CARNMT1: variants seen among roughly 807,000 people sequenced by gnomAD.
The protein encoded by CARNMT1 is carnosine N-methyltransferase 1.
In CARNMT1, 28 loss-of-function variants were observed where a neutral mutation model predicts 49.6. The ratio of observed to expected loss-of-function variants is 0.56; its 90% CI spans 0.42 to 0.77. CARNMT1 has a LOEUF of 0.77. Among genes scored for constraint, CARNMT1 ranks in the 30% least tolerant of loss-of-function variants. The probability of loss-of-function intolerance (pLI) is 0.00; values close to 1 mark genes in which losing one functional copy is unlikely to be tolerated. For synonymous variants in CARNMT1, 178 were observed against 175.0 expected, an observed-to-expected ratio of 1.02 and a Z score of -0.13; for missense variants, 421 against 512.6, an observed-to-expected ratio of 0.82 and a Z score of 1.73.
intron 6 of CARNMT1, chr9:74,996,243 A>G (rs1242985845): frequency 2.2e-6 from 1 of 462,836 alleles, no homozygotes; most frequent in East Asian, 3.7e-5. Context: ...GACTGACCTA[A>G]GTGTGAATAT....
At chr9:74,988,369 GAATA>G (rs1781361308) in intron 6 of CARNMT1, among the ~76,000 whole-genome samples, 1 of 152,160 alleles carries the variant, frequency 6.6e-6, no homozygotes, top group African/African-American at 2.4e-5. Flanking sequence ...GTAAGCACTT[GAATA>G]TTTATCTCCT....
At chr9:74,985,437 G>A (rs1832805814) in intron 6 of CARNMT1, among the ~76,000 whole-genome samples, 1 of 152,208 alleles carries the variant, frequency 6.6e-6, no homozygotes, top group South Asian at 2.1e-4. Context: ...GTGGACAGGA[G>A]TTATATGGAA....
At chr9:75,012,138 T>G (rs1833707340) in intron 3 of CARNMT1, among the ~76,000 whole-genome samples, 1 of 152,194 alleles carries the variant, frequency 6.6e-6, no homozygotes, top group Non-Finnish European at 1.5e-5. Flanking sequence ...TGCTAGCAAA[T>G]GTGAGCTTCA....
chr9:75,015,798 AT>A (rs1360191840), intron 3 of CARNMT1: 2 of 150,258 alleles, frequency 1.3e-5, no homozygotes, highest in East Asian at 1.9e-4. Context: ...AAATAAATAA[AT>A]AAATAAATAA....
At chr9:75,007,350 G>GA (rs1564099879) in intron 3 of CARNMT1, among the ~76,000 whole-genome samples, 1 of 152,046 alleles carries the variant, frequency 6.6e-6, no homozygotes, top group Non-Finnish European at 1.5e-5. Flanking sequence ...ATTAATGGAA[G>GA]AAAAAACATA....
In CARNMT1 at chr9:75,028,058, C is replaced by A; in HGVS notation, c.184G>T (p.Glu62Ter). Residue 62 changes from glutamate to a stop codon, truncating the protein, a stop_gained, in exon 1 of 8, where the codon GAG (glutamate) becomes TAG (stop). Coordinates refer to ENST00000376834, the MANE Select transcript of CARNMT1 (RefSeq NM_152420.3). LOFTEE classifies it high-confidence loss of function. ...ATGATCTTCCAGAAGTGCTCACGCT[C>A]AAGCCTCTCCTCCTCCTCCTCGGTG... ...RSTEEEEERL[E>*]REHFWKIINA... 1 of 1,577,724 alleles carries A rather than the reference C, an allele frequency of 6.3e-7. No individual in the cohort carries two copies. The highest frequency in any genetic ancestry group is 8.6e-7 in the Non-Finnish European group (1 of 1,164,552).
At chr9:75,024,896 C>T (rs150284465) in intron 1 of CARNMT1, among the ~76,000 whole-genome samples, 29 of 152,176 alleles carry the variant, frequency 1.9e-4, no homozygotes, top group Admixed American at 1.3e-3. Flanking sequence ...GAAAGCCGTA[C>T]CAATAACATA....
In CARNMT1 at chr9:74,982,941, G is replaced by T. The variant is rs1310843904; in HGVS notation, c.*826C>A. Reference sequence around the variant, plus strand: ...AGTGTTCAGTTTATTGTGGCCAAAAGACTTTGATATTTCTGTTACTTGAAT... The same window carrying T: ...AGTGTTCAGTTTATTGTGGCCAAAATACTTTGATATTTCTGTTACTTGAAT... On this transcript the variant is annotated 3_prime_UTR_variant, in exon 8 of 8. Transcript: ENST00000376834. 2 of 151,980 alleles carry T rather than the reference G, an allele frequency of 1.3e-5. No individual in the cohort carries two copies. Among genetic ancestry groups the T allele is most frequent in the East Asian group, 3.9e-4 (2 of 5,186 alleles). 9.4% of individuals were successfully genotyped at this position (151,980 alleles called of 1,614,324 possible).
intron 6 of CARNMT1, chr9:74,991,818 T>C (rs1014200076): frequency 6.6e-6 from 1 of 152,190 alleles, no homozygotes; most frequent in African/African-American, 2.4e-5. Context: ...CTTACCTATC[T>C]ACCCCAACTT....
chr9:74,995,571 C>T (rs1272733410), intron 6 of CARNMT1, among the ~76,000 whole-genome samples: 2 of 152,126 alleles, frequency 1.3e-5, no homozygotes, highest in South Asian at 2.1e-4. Context: ...AGACTTACTA[C>T]TACCTCCAGG....
Position 74,983,716 on chromosome 9 carries a change from T to G in CARNMT1, c.*51A>C, listed in dbSNP as rs1482837808. ...GATAGTTGATTTTGAGTCGTTGATT[T>G]CAGCATTTGTTCTTACTAAACTTTT... On this transcript the variant is annotated 3_prime_UTR_variant, in exon 8 of 8. Coordinates refer to ENST00000376834, the MANE Select transcript of CARNMT1 (RefSeq NM_152420.3). 9.2e-7 allele frequency: 1 copy of G among 1,088,368 alleles called. No individual in the cohort carries two copies. The highest frequency in any genetic ancestry group is 1.4e-6 in the Non-Finnish European group (1 of 733,966). The allele number at this position is 1,088,368 out of a possible 1,614,324, so 67.4% of individuals were successfully genotyped here.
At chr9:75,016,696 G>A (rs1346590367) in intron 2 of CARNMT1, 3 of 380,566 alleles carry the variant, frequency 7.9e-6, no homozygotes, top group Non-Finnish European at 1.4e-5. Flanking sequence ...ACCAAACTGA[G>A]CTGCTATGGA....
At chr9:74,985,108 G>T in intron 6 of CARNMT1, 98 bp from the exon 7 acceptor site, 1 of 888,878 alleles carries the variant, frequency 1.1e-6, no homozygotes, top group Non-Finnish European at 1.7e-6. Context: ...TACTGGATGA[G>T]ACAAACATAA....
chr9:75,017,901 T>C (rs1225075305), intron 1 of CARNMT1, among the ~76,000 whole-genome samples: 1 of 152,136 alleles, frequency 6.6e-6, no homozygotes, highest in Non-Finnish European at 1.5e-5. Flanking sequence ...ATAGAAGATC[T>C]TATATACTAC....
Position 74,996,492 on chromosome 9 carries a change from T to C in CARNMT1, c.979A>G (p.Thr327Ala). Residue 327 changes from threonine to alanine, a missense_variant, in exon 6 of 8, where the codon ACA becomes GCA. Physicochemically the swap from Thr to Ala is moderately conservative, Grantham distance 58. Transcript: ENST00000376834. ...CCTGGCTTGAGTATTTTCCATATTG[T>C]ATCAATATAATCAATTACATTGTGA... ...TAHNVIDYID[T>A]IWKILKPGGI... The C allele has an allele frequency of 2.5e-6, 4 of 1,608,394 alleles. No individual in the cohort carries two copies. Among genetic ancestry groups the C allele is most frequent in the Non-Finnish European group, 3.4e-6 (4 of 1,177,580 alleles).
intron 3 of CARNMT1, among the ~76,000 whole-genome samples, chr9:75,003,324 T>C (rs1279646360): frequency 1.3e-5 from 2 of 152,234 alleles, no homozygotes; most frequent in Non-Finnish European, 2.9e-5. Flanking sequence ...ATAGTTTACA[T>C]ACCAAGGTTC....
intron 1 of CARNMT1, among the ~76,000 whole-genome samples, chr9:75,022,932 C>T (rs55943593): frequency 6.6e-6 from 1 of 151,806 alleles, no homozygotes; most frequent in African/African-American, 2.4e-5. Flanking sequence ...GTCAGGAGTT[C>T]GAGATCAAGA....
intron 4 of CARNMT1, among the ~76,000 whole-genome samples, chr9:74,999,039 T>C (rs1339797757): frequency 6.6e-6 from 1 of 152,182 alleles, no homozygotes; most frequent in African/African-American, 2.4e-5. Context: ...AATGTATTTC[T>C]AAACTTCAAA....
chr9:74,989,802 G>C (rs1163460644), intron 6 of CARNMT1, among the ~76,000 whole-genome samples: 1 of 152,132 alleles, frequency 6.6e-6, no homozygotes, highest in Non-Finnish European at 1.5e-5. Flanking sequence ...ACAGCACAGA[G>C]AAACAAGGAA....
Sources: gnomAD v4.1 joint callset for allele counts (sites outside exome capture counted in the v4.1 genomes callset) on GRCh38, gnomAD v4.1.1 for gene constraint, MANE v1.5 for transcripts, NCBI Gene and HGNC (gene_info 2026-07-23, HGNC 2026-07-21) for gene names.